FOXP1: variants seen among roughly 807,000 people sequenced by gnomAD.
FOXP1 encodes the protein forkhead box P1.
FOXP1 carries 15 observed loss-of-function variants against 98.2 expected under a neutral mutation model. The observed-to-expected ratio is 0.15, with a 90% CI of 0.10 to 0.24. The LOEUF is 0.24. Ranked by LOEUF, FOXP1 falls within the 10% of genes least tolerant of loss-of-function variation. FOXP1 has a pLI of 1.00. For synonymous variants in FOXP1, 371 were observed against 314.5 expected, an observed-to-expected ratio of 1.18 and a Z score of -1.90; for missense variants, 633 against 848.5, an observed-to-expected ratio of 0.75 and a Z score of 3.15.
intron 3 of FOXP1, among the ~76,000 whole-genome samples, chr3:71,483,885 C>G (rs2090465937): frequency 6.6e-6 from 1 of 151,832 alleles, no homozygotes; most frequent in Admixed American, 6.6e-5. Flanking sequence ...GAAAAAAGAA[C>G]AGAAGGAACC....
rs541576510 is a variant in FOXP1, at chr3:71,475,075, C to T, written c.-168+18351G>A. ...ATTTTCTCTTCTCCATCCTATGGCT[C>T]CCACCTGCAGGCAGCCCTCACATCC... is the stretch of plus-strand genomic sequence containing the variant. On this transcript the variant is annotated intron_variant, in intron 3 of 20. Coordinates refer to ENST00000649528, the MANE Select transcript of FOXP1 (RefSeq NM_001349338.3). 2.6e-5 allele frequency among the ~76,000 whole-genome samples: 4 copies of T among 152,168 alleles called. No homozygotes were observed. In the East Asian group the frequency reaches 7.7e-4, roughly 29 times the overall value.
intron 7 of FOXP1, among the ~76,000 whole-genome samples, chr3:71,067,764 A>ACACACACACACACACACACACAC (rs71104409): frequency 1.4e-5 from 2 of 140,944 alleles, no homozygotes; most frequent in African/African-American, 3.2e-5. Context: ...ACACACACAC[A>ACACACACACACACACACACACAC]ATTAGCCACG....
intron 4 of FOXP1, among the ~76,000 whole-genome samples, chr3:71,326,816 CTTTATGGTACAG>C (rs1187454984): frequency 2.6e-5 from 4 of 152,022 alleles, no homozygotes; most frequent in Non-Finnish European, 4.4e-5. Flanking sequence ...CTATGACAGA[CTTTATGGTACAG>C]AAAGGTCAAG....
At chr3:71,348,938 G>A (rs1486818286) in intron 4 of FOXP1, among the ~76,000 whole-genome samples, 1 of 152,112 alleles carries the variant, frequency 6.6e-6, no homozygotes, top group Admixed American at 6.6e-5. Context: ...GACTACAGAG[G>A]CCGCAGTCTA....
intron 5 of FOXP1, among the ~76,000 whole-genome samples, chr3:71,267,124 A>AGAGAGAGAGTGTGTGTGT: frequency 6.7e-6 from 1 of 148,298 alleles, no homozygotes; most frequent in Non-Finnish European, 1.5e-5. Flanking sequence ...TATGGGAGAG[A>AGAGAGAGAGTGTGTGTGT]GTGTGTGTGT....
chr3:71,184,420 G>A (rs79165273), intron 6 of FOXP1, among the ~76,000 whole-genome samples: 5,143 of 152,244 alleles, frequency 0.034, 121 homozygotes, highest in East Asian at 0.087. Flanking sequence ...CTGGTTTATA[G>A]GGTTCTGTAG....
At chr3:71,306,689 C>A (rs1209602937) in intron 4 of FOXP1, among the ~76,000 whole-genome samples, 2 of 132,140 alleles carry the variant, frequency 1.5e-5, no homozygotes, top group South Asian at 2.7e-4. Context: ...GTTCACTAAT[C>A]ATTTAAGGAA....
chr3:71,370,388 A>C (rs901566876), intron 3 of FOXP1, among the ~76,000 whole-genome samples: 4 of 152,220 alleles, frequency 2.6e-5, no homozygotes, highest in Non-Finnish European at 5.9e-5. Context: ...ATCTGAGAAA[A>C]TAGTACCATG....
rs572224445 is a variant in FOXP1, at chr3:71,261,838, T to C, written c.-12+37982A>G. 2.6e-5 allele frequency among the ~76,000 whole-genome samples: 4 copies of C among 152,250 alleles called. No homozygotes were observed. The East Asian group carries it at 5.8e-4, about 22-fold the overall frequency. ...AAACAAAATCCAACTTCATAGCCTATGGAATAGTCGACATTTTCCAATAAG... is the reference window on the plus strand; with the variant it reads ...AAACAAAATCCAACTTCATAGCCTACGGAATAGTCGACATTTTCCAATAAG... On this transcript the variant is annotated intron_variant, in intron 5 of 20. Coordinates refer to ENST00000649528, the MANE Select transcript of FOXP1 (RefSeq NM_001349338.3).
chr3:71,535,398 G>C (rs1024847051), intron 2 of FOXP1, among the ~76,000 whole-genome samples: 1 of 152,098 alleles, frequency 6.6e-6, no homozygotes, highest in Admixed American at 6.5e-5. Context: ...GCAAAGCAGA[G>C]ATATGCAGCG....
chr3:71,371,668 G>C (rs1420743279), intron 3 of FOXP1, among the ~76,000 whole-genome samples: 1 of 152,146 alleles, frequency 6.6e-6, no homozygotes, highest in African/African-American at 2.4e-5. Flanking sequence ...ACCCACCTGT[G>C]GTCCTAGCTG....
intron 3 of FOXP1, among the ~76,000 whole-genome samples, chr3:71,360,222 A>G (rs2078459952): frequency 6.6e-6 from 1 of 152,236 alleles, no homozygotes; most frequent in Admixed American, 6.5e-5. Context: ...AGCCTATCTC[A>G]ATGCACTCAG....
chr3:71,064,278 G>A (rs887449044), intron 7 of FOXP1, among the ~76,000 whole-genome samples: 1 of 152,144 alleles, frequency 6.6e-6, no homozygotes, highest in Non-Finnish European at 1.5e-5. Context: ...CAAACTATCA[G>A]AAGCAAAGAA....
chr3:71,099,996 C>T (rs2056817298), intron 7 of FOXP1, among the ~76,000 whole-genome samples: 1 of 152,222 alleles, frequency 6.6e-6, no homozygotes, highest in African/African-American at 2.4e-5. Context: ...TTAGATAATA[C>T]TTCAATAGTT....
At chr3:71,105,486 ACT>A (rs889357099) in intron 7 of FOXP1, among the ~76,000 whole-genome samples, 6 of 152,094 alleles carry the variant, frequency 3.9e-5, no homozygotes, top group African/African-American at 1.4e-4. Context: ...GGTGGGAGTC[ACT>A]CTCTTTTTCA....
intron 6 of FOXP1, among the ~76,000 whole-genome samples, chr3:71,162,170 T>C (rs1043053347): frequency 6.6e-6 from 1 of 152,220 alleles, no homozygotes; most frequent in Admixed American, 6.5e-5. Context: ...CTTACAATTT[T>C]TTAAAATTCT....
chr3:70,956,973 G>C lies in FOXP1; in HGVS notation c.*2274C>G, dbSNP rs1005346716. On this transcript the variant is annotated 3_prime_UTR_variant, in exon 21 of 21. Coordinates refer to ENST00000649528, the MANE Select transcript of FOXP1 (RefSeq NM_001349338.3). ...AAACAAACTGAAGGATATATGCCAA[G>C]ATAAACCAAAATTAATACAGTGATC... is the stretch of plus-strand genomic sequence containing the variant. 2 of 218,534 alleles carry C rather than the reference G, an allele frequency of 9.2e-6. No homozygotes were observed. The highest frequency in any genetic ancestry group is 1.2e-4 in the Admixed American group (2 of 17,298). The allele number at this position is 218,534 out of a possible 1,614,324, so 13.5% of individuals were successfully genotyped here. A position where few individuals can be genotyped will look rare whatever the true frequency, so the allele number is the denominator to read the frequency against.
intron 5 of FOXP1, among the ~76,000 whole-genome samples, chr3:71,240,427 C>T (rs2067157120): frequency 1.3e-5 from 2 of 152,226 alleles, no homozygotes; most frequent in Admixed American, 6.5e-5. Context: ...ATGTGCAAAG[C>T]GTTTCCATTC....
chr3:70,958,958 C>G lies in FOXP1; in HGVS notation c.*289G>C. ...AAAGTGAATCAGTTTAGCAAATTTACAACACTGATGTTGACGGTTAAGAGA... is the reference window on the plus strand; with the variant it reads ...AAAGTGAATCAGTTTAGCAAATTTAGAACACTGATGTTGACGGTTAAGAGA... On this transcript the variant is annotated 3_prime_UTR_variant, in exon 21 of 21. Transcript: ENST00000649528. The G allele has an allele frequency of 2.3e-6, 1 of 434,214 alleles. No individual in the cohort carries two copies. Among genetic ancestry groups the G allele is most frequent in the Admixed American group, 3.7e-5 (1 of 27,040 alleles). 26.9% of individuals were successfully genotyped at this position (434,214 alleles called of 1,614,324 possible).
Sources: allele counts gnomAD v4.1 joint callset (sites outside exome capture counted in the v4.1 genomes callset), GRCh38; gene constraint gnomAD v4.1.1; transcripts MANE v1.5; gene names NCBI Gene and HGNC (gene_info 2026-07-23, HGNC 2026-07-21).